MRPS33: variants seen among roughly 807,000 people sequenced by gnomAD.
MRPS33 encodes the protein mitochondrial ribosomal protein S33.
In MRPS33, 11 loss-of-function variants were observed where a neutral mutation model predicts 11.2. The observed-to-expected ratio is 0.99, with a 90% CI of 0.62 to 1.63. The LOEUF is 1.63. MRPS33 is among the 40% of genes most tolerant of loss of function. The pLI, the probability that MRPS33 is intolerant of heterozygous loss-of-function variation, is 0.00. For missense variants in MRPS33, 109 were observed against 127.8 expected (o/e 0.85, Z 0.71); for synonymous variants, 46 against 44.0 (o/e 1.05, Z -0.18).
At position 141,006,161 on chromosome 7, in the gene MRPS33, T is replaced by A; in HGVS notation, c.*269A>T. ...ATCCCATCCCACCCCAAACAAATCA[T>A]CAAACAATAACTTAGGTATTTATTT... On this transcript the variant is annotated 3_prime_UTR_variant, in exon 3 of 3. Coordinates refer to ENST00000324787, the MANE Select transcript of MRPS33 (RefSeq NM_053035.3). 2 of 436,366 alleles carry A rather than the reference T, an allele frequency of 4.6e-6. No homozygotes were observed. Among genetic ancestry groups the A allele is most frequent in the Non-Finnish European group, 8.3e-6 (2 of 241,806 alleles). 27.0% of individuals were successfully genotyped at this position (436,366 alleles called of 1,614,324 possible).
At chr7:141,008,795 A>G (rs1226509119) in intron 2 of MRPS33, among the ~76,000 whole-genome samples, 1 of 131,992 alleles carries the variant, frequency 7.6e-6, no homozygotes, top group African/African-American at 2.7e-5. Flanking sequence ...GGTAATTAAA[A>G]AAATAATTTT....
At position 141,003,915 on chromosome 7, in the gene MRPS33, T is replaced by A. The variant is rs1051295597; in HGVS notation, c.*2515A>T. 6.6e-6 allele frequency: 1 copy of A among 152,244 alleles called. No individual in the cohort carries two copies. The highest frequency in any genetic ancestry group is 1.5e-5 in the Non-Finnish European group (1 of 68,042). 9.4% of individuals were successfully genotyped at this position (152,244 alleles called of 1,614,324 possible). The stretch of plus-strand genomic sequence containing the variant: ...TTGCCAATACTTTGTAATACACACA[T>A]GCTCATTCACACAGTCTTAGGGACT... On this transcript the variant is annotated 3_prime_UTR_variant, in exon 3 of 3. Coordinates refer to ENST00000324787, the MANE Select transcript of MRPS33 (RefSeq NM_053035.3).
rs1467274867 is a variant in MRPS33 at position 141,005,349 on chromosome 7, C to T, written c.*1081G>A. On this transcript the variant is annotated 3_prime_UTR_variant, in exon 3 of 3. Coordinates refer to ENST00000324787, the MANE Select transcript of MRPS33 (RefSeq NM_053035.3). Reference sequence around the variant, plus strand: ...AACCTCTTATTTATTCTTCAAGGTTCAGCTTAAATATCATTTTTTTTTTGA... The same window carrying T: ...AACCTCTTATTTATTCTTCAAGGTTTAGCTTAAATATCATTTTTTTTTTGA... 1 of 152,074 alleles carries T rather than the reference C, an allele frequency of 6.6e-6. No homozygotes were observed. Among genetic ancestry groups the T allele is most frequent in the Non-Finnish European group, 1.5e-5 (1 of 68,062 alleles). 9.4% of individuals were successfully genotyped at this position (152,074 alleles called of 1,614,324 possible).
chr7:141,014,025 C>T (rs891722163), intron 1 of MRPS33, among the ~76,000 whole-genome samples: 2 of 152,140 alleles, frequency 1.3e-5, no homozygotes, highest in Non-Finnish European at 2.9e-5. Flanking sequence ...TGGGAGAGAG[C>T]TTTCTCCAGT....
At chr7:141,010,344 A>G (rs1820643842) in intron 2 of MRPS33, 75 bp downstream of exon 2, 2 of 1,442,058 alleles carry the variant, frequency 1.4e-6, no homozygotes, top group Non-Finnish European at 1.9e-6. Flanking sequence ...ACAAGGATAG[A>G]AAGGCTAATT....
intron 2 of MRPS33, among the ~76,000 whole-genome samples, chr7:141,009,438 T>G (rs199807014): frequency 3.4e-4 from 1 of 2,900 alleles, no homozygotes; most frequent in Non-Finnish European, 6.5e-4. Flanking sequence ...GGCCTGATCT[T>G]TTTTTTTTTT....
chr7:141,014,643 C>T (rs1586734271), intron 1 of MRPS33: 1 of 152,210 alleles, frequency 6.6e-6, no homozygotes, highest in Non-Finnish European at 1.5e-5. Flanking sequence ...AGAAACTGAG[C>T]CTTCTACTGT....
At chr7:141,009,283 C>A (rs927761721) in intron 2 of MRPS33, among the ~76,000 whole-genome samples, 1 of 146,486 alleles carries the variant, frequency 6.8e-6, no homozygotes, top group African/African-American at 2.5e-5. Context: ...AGGCGTGTGC[C>A]ACCACGCCCA....
At chr7:141,011,624 G>A (rs1820675630) in intron 1 of MRPS33, among the ~76,000 whole-genome samples, 2 of 152,088 alleles carry the variant, frequency 1.3e-5, no homozygotes, top group Admixed American at 6.6e-5. Flanking sequence ...TTTTAGTAGT[G>A]AGATGAGAAT....
At chr7:141,010,912 T>C (rs1447302587) in intron 1 of MRPS33, among the ~76,000 whole-genome samples, 1 of 152,206 alleles carries the variant, frequency 6.6e-6, no homozygotes, top group African/African-American at 2.4e-5. Context: ...TGCAACCAAC[T>C]ATTTTGTGAT....
At chr7:141,014,480 G>C (rs970410497) in intron 1 of MRPS33, 5 of 152,184 alleles carry the variant, frequency 3.3e-5, no homozygotes, top group Non-Finnish European at 7.3e-5. Flanking sequence ...GGAAACTGTA[G>C]TATTGTCAAG....
rs1329371669 is a variant in MRPS33, at chr7:141,006,104, A to C, written c.*326T>G. 3.2e-6 allele frequency: 1 copy of C among 317,358 alleles called. No homozygotes were observed. Among genetic ancestry groups the C allele is most frequent in the African/African-American group, 2.2e-5 (1 of 46,230 alleles). The allele number at this position is 317,358 out of a possible 1,614,324, so 19.7% of individuals were successfully genotyped here. A position where few individuals can be genotyped will look rare whatever the true frequency, so the allele number is the denominator to read the frequency against. On this transcript the variant is annotated 3_prime_UTR_variant, in exon 3 of 3. Transcript: ENST00000324787. ...GAAATGAGGACACTATAGGATGCTC[A>C]CTTAATGAGGTTTCCCCTCCATTCC...
rs38731 is a variant in MRPS33 at position 141,004,902 on chromosome 7, C to A, written c.*1528G>T. Reference sequence around the variant, plus strand: ...CTGGGACTACAGGCACCCACCACCACGCCCGGCTAACTTTTTTGCATTTTT... The same window carrying A: ...CTGGGACTACAGGCACCCACCACCAAGCCCGGCTAACTTTTTTGCATTTTT... On this transcript the variant is annotated 3_prime_UTR_variant, in exon 3 of 3. Transcript: ENST00000324787. 2.0e-5 allele frequency: 3 copies of A among 152,186 alleles called. No individual in the cohort carries two copies. Among genetic ancestry groups the A allele is most frequent in the Non-Finnish European group, 4.4e-5 (3 of 68,100 alleles). The allele number at this position is 152,186 out of a possible 1,614,324, so 9.4% of individuals were successfully genotyped here.
chr7:141,007,919 T>C (rs988356573), intron 2 of MRPS33, among the ~76,000 whole-genome samples: 1 of 142,418 alleles, frequency 7.0e-6, no homozygotes, highest in African/African-American at 2.5e-5. Context: ...ATTTACTTAT[T>C]TTTTTTCCCC....
At position 141,002,822 on chromosome 7, in the gene MRPS33, G is replaced by T. The variant is rs1586725958; in HGVS notation, c.*3608C>A. 6.6e-6 allele frequency: 1 copy of T among 152,474 alleles called. No individual in the cohort carries two copies. The highest frequency in any genetic ancestry group is 6.5e-5 in the Admixed American group (1 of 15,340). The allele number at this position is 152,474 out of a possible 1,614,324, so 9.4% of individuals were successfully genotyped here. A position where few individuals can be genotyped will look rare whatever the true frequency, so the allele number is the denominator to read the frequency against. ...TCTTCCTGAACCTATCATGCTGCTTGTAAACGTGGGGAACTTTATATTTTT... is the reference window on the plus strand; with the variant it reads ...TCTTCCTGAACCTATCATGCTGCTTTTAAACGTGGGGAACTTTATATTTTT... On this transcript the variant is annotated 3_prime_UTR_variant, in exon 3 of 3. Coordinates refer to ENST00000324787, the MANE Select transcript of MRPS33 (RefSeq NM_053035.3).
In MRPS33 at chr7:141,003,588, C is replaced by T. The variant is rs1381376168; in HGVS notation, c.*2842G>A. 6.6e-6 allele frequency: 1 copy of T among 152,266 alleles called. No individual in the cohort carries two copies. Among genetic ancestry groups the T allele is most frequent in the African/African-American group, 2.4e-5 (1 of 41,474 alleles). The allele number at this position is 152,266 out of a possible 1,614,324, so 9.4% of individuals were successfully genotyped here. ...GGTCTGAGATCTCACTGAAGCTCTTCCATCGGCAAACCAATACATCGATTC... is the reference window on the plus strand; with the variant it reads ...GGTCTGAGATCTCACTGAAGCTCTTTCATCGGCAAACCAATACATCGATTC... On this transcript the variant is annotated 3_prime_UTR_variant, in exon 3 of 3. Coordinates refer to ENST00000324787, the MANE Select transcript of MRPS33 (RefSeq NM_053035.3).
At chr7:141,006,989 G>T (rs1009957908) in intron 2 of MRPS33, among the ~76,000 whole-genome samples, 5 of 152,174 alleles carry the variant, frequency 3.3e-5, no homozygotes, top group Non-Finnish European at 5.9e-5. Flanking sequence ...CCAACATGGT[G>T]AAACCTTAGT....
At position 141,004,734 on chromosome 7, in the gene MRPS33, A is replaced by G. The variant is rs1469817274; in HGVS notation, c.*1696T>C. 1 of 151,746 alleles carries G rather than the reference A, an allele frequency of 6.6e-6. No individual in the cohort carries two copies. Among genetic ancestry groups the G allele is most frequent in the East Asian group, 1.9e-4 (1 of 5,182 alleles). 9.4% of individuals were successfully genotyped at this position (151,746 alleles called of 1,614,324 possible). ...GCTAAAGATTCAGAACAACTGTTGG[A>G]AAAAAAAATCAGAGAAGCCTTCACA... On this transcript the variant is annotated 3_prime_UTR_variant, in exon 3 of 3. Coordinates refer to ENST00000324787, the MANE Select transcript of MRPS33 (RefSeq NM_053035.3).
chr7:141,008,798 AT>A (rs1274109457), intron 2 of MRPS33, among the ~76,000 whole-genome samples: 1 of 126,286 alleles, frequency 7.9e-6, no homozygotes, highest in African/African-American at 2.7e-5. Context: ...AATTAAAAAA[AT>A]AATTTTTTTT....
Sources: allele counts gnomAD v4.1 joint callset (sites outside exome capture counted in the v4.1 genomes callset), GRCh38; gene constraint gnomAD v4.1.1; transcripts MANE v1.5; gene names NCBI Gene and HGNC (gene_info 2026-07-23, HGNC 2026-07-21).